GRID2: variants seen among roughly 807,000 people sequenced by gnomAD.
GRID2 encodes the protein glutamate ionotropic receptor delta type subunit 2, also known as glutamate receptor ionotropic, delta-2.
A neutral mutation model predicts 114.8 loss-of-function variants in GRID2; 33 were observed. The observed-to-expected ratio is 0.29, with a 90% CI of 0.22 to 0.38. GRID2 has a LOEUF of 0.38. Ranked by LOEUF, GRID2 falls within the 10% of genes least tolerant of loss-of-function variation. The probability of loss-of-function intolerance (pLI) is 1.00; values close to 1 mark genes in which losing one functional copy is unlikely to be tolerated. For synonymous variants in GRID2, 505 were observed against 449.9 expected, an observed-to-expected ratio of 1.12 and a Z score of -1.55; for missense variants, 1,184 against 1,257.7, an observed-to-expected ratio of 0.94 and a Z score of 0.89.
intron 2 of GRID2, among the ~76,000 whole-genome samples, chr4:92,674,630 C>G (rs997319394): frequency 8.5e-5 from 13 of 152,114 alleles, no homozygotes; most frequent in African/African-American, 3.1e-4. Context: ...TCAAGCAATT[C>G]TCTGCCTCAG....
intron 14 of GRID2, among the ~76,000 whole-genome samples, chr4:93,633,049 ATC>A (rs72041077): frequency 5.3e-5 from 8 of 151,140 alleles, no homozygotes; most frequent in Non-Finnish European, 7.4e-5. Context: ...ATCTCTTTCT[ATC>A]TCTCTCTCTC....
In GRID2 at chr4:92,367,481, A is replaced by G. The variant is rs146722870; in HGVS notation, c.88+62737A>G. Among the ~76,000 whole-genome samples, 32 of 152,046 alleles carry G rather than the reference A, an allele frequency of 2.1e-4. No homozygotes were observed. In the East Asian group the frequency reaches 6.0e-3, roughly 29 times the overall value. On this transcript the variant is annotated intron_variant, in intron 1 of 15. Coordinates refer to ENST00000282020, the MANE Select transcript of GRID2 (RefSeq NM_001510.4). ...TCAGAAGGAGCTTGCCATGGAAAGA[A>G]TGAGAGGAGGAATGAGAGGAAGGGC... is the stretch of plus-strand genomic sequence containing the variant.
chr4:92,361,175 T>C (rs1489085214), intron 1 of GRID2, among the ~76,000 whole-genome samples: 1 of 151,970 alleles, frequency 6.6e-6, no homozygotes, highest in East Asian at 1.9e-4. Context: ...CTTAGTGAGA[T>C]CAAATGACCT....
chr4:93,387,199 G>T (rs2149317438), intron 8 of GRID2, among the ~76,000 whole-genome samples: 1 of 152,250 alleles, frequency 6.6e-6, no homozygotes, highest in Non-Finnish European at 1.5e-5. Context: ...TTTCAAGTGA[G>T]ATATAATATA....
In GRID2 at chr4:93,475,415, A is replaced by G. The variant is rs867871984; in HGVS notation, c.1859-15224A>G. ...ATGTTAAATGATTCCCTTTTTCTCTATCAAATTATAAATCTAATGTATGCT... is the reference window on the plus strand; with the variant it reads ...ATGTTAAATGATTCCCTTTTTCTCTGTCAAATTATAAATCTAATGTATGCT... On this transcript the variant is annotated intron_variant, in intron 11 of 15. Coordinates refer to ENST00000282020, the MANE Select transcript of GRID2 (RefSeq NM_001510.4). 3.9e-5 allele frequency among the ~76,000 whole-genome samples: 6 copies of G among 152,210 alleles called. No individual in the cohort carries two copies. In the South Asian group the frequency reaches 6.2e-4, roughly 16 times the overall value.
chr4:93,419,267 T>C (rs1000197470), intron 9 of GRID2, among the ~76,000 whole-genome samples: 5 of 151,926 alleles, frequency 3.3e-5, no homozygotes, highest in African/African-American at 9.7e-5. Context: ...TCTCACTATA[T>C]TGAGTGTAGT....
intron 13 of GRID2, among the ~76,000 whole-genome samples, chr4:93,572,150 A>G (rs1735984984): frequency 6.6e-6 from 1 of 152,134 alleles, no homozygotes; most frequent in Admixed American, 6.6e-5. Flanking sequence ...GAACTTATTC[A>G]TGTGTCAAAC....
At chr4:92,648,936 T>C (rs1579762072) in intron 2 of GRID2, among the ~76,000 whole-genome samples, 2 of 142,212 alleles carry the variant, frequency 1.4e-5, no homozygotes, top group Admixed American at 1.4e-4. Flanking sequence ...ATTATTTCTT[T>C]AGAGACAATT....
rs144419974 is a variant in GRID2, at chr4:92,521,089, CAATA to C, written c.89-69034_89-69031del. 5.7e-3 allele frequency among the ~76,000 whole-genome samples: 870 copies of C among 151,930 alleles called. 5 individuals carry two copies. Among genetic ancestry groups the C allele is most frequent in the Non-Finnish European group, 8.6e-3 (581 of 67,928 alleles). Reference sequence around the variant, plus strand: ...AATATTTTTAGAACAAAAACTACCTCAATAAATAAATTTATTGAGTTTAATATTT... The same window carrying C: ...AATATTTTTAGAACAAAAACTACCTCAATAAATTTATTGAGTTTAATATTT... On this transcript the variant is annotated intron_variant, in intron 1 of 15. Transcript: ENST00000282020.
At chr4:93,511,490 C>G (rs1024819654) in intron 12 of GRID2, among the ~76,000 whole-genome samples, 1 of 152,114 alleles carries the variant, frequency 6.6e-6, no homozygotes, top group Non-Finnish European at 1.5e-5. Flanking sequence ...TAATCTCAGT[C>G]AGGTGTCAAG....
chr4:92,433,012 T>C (rs1263410465), intron 1 of GRID2, among the ~76,000 whole-genome samples: 2 of 152,110 alleles, frequency 1.3e-5, no homozygotes, highest in Non-Finnish European at 2.9e-5. Flanking sequence ...AGCTTTCCTT[T>C]TTGTTCAGGG....
intron 3 of GRID2, among the ~76,000 whole-genome samples, chr4:93,107,452 T>G (rs1163562416): frequency 6.6e-6 from 1 of 152,168 alleles, no homozygotes; most frequent in Non-Finnish European, 1.5e-5. Context: ...CTTTTCAGTA[T>G]GCATATCACT....
chr4:92,879,335 A>G (rs146296768), intron 2 of GRID2, among the ~76,000 whole-genome samples: 11 of 152,286 alleles, frequency 7.2e-5, no homozygotes, highest in African/African-American at 1.4e-4. Flanking sequence ...CACCCAAAAT[A>G]GTACTTCTTC....
At position 92,460,032 on chromosome 4, in the gene GRID2, C is replaced by CTATGTATATA. The variant is rs1553937269; in HGVS notation, c.89-130096_89-130095insGTATATATAT. ...AGCCCATTCCTTAAAATAAATCTCA[C>CTATGTATATA]TATATATATATATATATATATACAC... On this transcript the variant is annotated intron_variant, in intron 1 of 15. Coordinates refer to ENST00000282020, the MANE Select transcript of GRID2 (RefSeq NM_001510.4). 5.8e-4 allele frequency among the ~76,000 whole-genome samples: 28 copies of CTATGTATATA among 48,436 alleles called. 2 individuals are homozygous for CTATGTATATA. The highest frequency in any genetic ancestry group is 9.5e-4 in the Non-Finnish European group (27 of 28,440). The allele number at this position is 48,436 out of a possible 152,430, so 31.8% of individuals were successfully genotyped here.
chr4:92,600,044 G>GTGTGTGTGTATATATATA (rs1206780169), intron 2 of GRID2, among the ~76,000 whole-genome samples: 4 of 54,456 alleles, frequency 7.3e-5, no homozygotes, highest in South Asian at 7.6e-4. Context: ...GTGTGTGTGT[G>GTGTGTGTGTATATATATA]TATATATATA....
At chr4:92,635,522 G>A (rs373991131) in intron 2 of GRID2, among the ~76,000 whole-genome samples, 256 of 151,950 alleles carry the variant, frequency 1.7e-3, no homozygotes, top group African/African-American at 5.7e-3. Flanking sequence ...GAAGTTTGGG[G>A]TTTTAATCTG....
chr4:92,552,789 A>G (rs1475862085), intron 1 of GRID2, among the ~76,000 whole-genome samples: 1 of 152,158 alleles, frequency 6.6e-6, no homozygotes, highest in Non-Finnish European at 1.5e-5. Context: ...GTTGGATTGG[A>G]TGACTTGGGG....
chr4:92,653,111 C>T (rs1732050244), intron 2 of GRID2, among the ~76,000 whole-genome samples: 1 of 149,904 alleles, frequency 6.7e-6, no homozygotes, highest in South Asian at 2.1e-4. Context: ...CAATTCTCTG[C>T]CTCAGCCTCT....
At position 93,154,984 on chromosome 4, in the gene GRID2, T is replaced by G. The variant is rs1737050477; in HGVS notation, c.735+44031T>G. ...AAACTCTCAGTTCAGTATTTTAACA[T>G]TGTATTGGTCATCTTTGCCTGGGTT... On this transcript the variant is annotated intron_variant, in intron 4 of 15. Coordinates refer to ENST00000282020, the MANE Select transcript of GRID2 (RefSeq NM_001510.4). Among the ~76,000 whole-genome samples, 3 of 151,932 alleles carry G rather than the reference T, an allele frequency of 2.0e-5. No individual in the cohort carries two copies. The South Asian group carries it at 6.2e-4, about 31-fold the overall frequency.
Sources: gnomAD v4.1 joint callset for allele counts (sites outside exome capture counted in the v4.1 genomes callset) on GRCh38, gnomAD v4.1.1 for gene constraint, MANE v1.5 for transcripts, NCBI Gene and HGNC (gene_info 2026-07-23, HGNC 2026-07-21) for gene names.